GSN: variants seen among roughly 807,000 people sequenced by gnomAD.
GSN encodes actin-depolymerizing factor.
A neutral mutation model predicts 85.7 loss-of-function variants in GSN; 56 were observed. That is an observed-to-expected ratio of 0.65 (90% confidence interval 0.53 to 0.82). The LOEUF is 0.82. Among genes scored for constraint, GSN ranks in the 40% least tolerant of loss-of-function variants. The pLI is 0.00. For synonymous variants in GSN, 373 were observed against 399.1 expected (o/e 0.93, Z 0.78); for missense variants, 857 against 979.8 (o/e 0.87, Z 1.67).
chr9:121,310,876 C>T (rs751492041), intron 5 of GSN, 31 bp downstream of exon 5: 18 of 1,605,476 alleles, frequency 1.1e-5, no homozygotes, highest in Non-Finnish European at 1.5e-5. Context: ...TCCCAGGAGC[C>T]ACTGAGGTGC....
At chr9:121,220,548 G>A (rs575830463) in intron 4 of GSN, among the ~76,000 whole-genome samples, 17 of 147,984 alleles carry the variant, frequency 1.1e-4, no homozygotes, top group African/African-American at 4.1e-4. Flanking sequence ...ATGGGTGGGA[G>A]AGCAAGGTCC....
intron 1 of GSN, among the ~76,000 whole-genome samples, chr9:121,269,960 T>C (rs1368081899): frequency 6.6e-6 from 1 of 152,230 alleles, no homozygotes; most frequent in East Asian, 1.9e-4. Context: ...GACAGAGCTC[T>C]CTGTCCTCAA....
In GSN at chr9:121,239,432, C is replaced by A. The variant is rs570270778; in HGVS notation, c.-389+8129C>A. On this transcript the variant is annotated intron_variant, in intron 5 of 24. Transcript: ENST00000373823. ...AACCAGGCAGTTTCCATGTTTACAT[C>A]CTTAGCAGCAAATACAATTGGAAAA... 7 of 398,434 alleles carry A rather than the reference C, an allele frequency of 1.8e-5. No homozygotes were observed. The East Asian group carries it at 3.2e-4, about 18-fold the overall frequency. The allele number at this position is 398,434 out of a possible 1,614,324, so 24.7% of individuals were successfully genotyped here.
chr9:121,221,199 GTCCGAAACTTC>G (rs1310217239), intron 4 of GSN, among the ~76,000 whole-genome samples: 1 of 152,154 alleles, frequency 6.6e-6, no homozygotes, highest in Non-Finnish European at 1.5e-5. Flanking sequence ...CCACTTTATT[GTCCGAAACTTC>G]TCCATTTCAA....
Position 121,317,171 on chromosome 9 carries a change from G to A in GSN, c.839G>A (p.Cys280Tyr). ...CAGGGGGCCCTGAAGTCAGAGGACT[G>A]CTTCATCCTGGACCACGGCAAAGAT... is the stretch of plus-strand genomic sequence containing the variant. ...FAQGALKSED[C>Y]FILDHGKDGK... is the part of the protein sequence containing the mutation. The change falls in exon 8 of 18, where the codon TGC (cysteine) becomes TAC (tyrosine). Residue 280 changes from cysteine (C) to tyrosine (Y), a missense_variant. Coordinates refer to ENST00000432226, the MANE Select transcript of GSN (RefSeq NM_198252.3). The A allele has an allele frequency of 6.2e-7, 1 of 1,614,192 alleles. No individual in the cohort carries two copies. Among genetic ancestry groups the A allele is most frequent in the Non-Finnish European group, 8.5e-7 (1 of 1,180,014 alleles).
intron 5 of GSN, among the ~76,000 whole-genome samples, chr9:121,237,921 A>G (rs1323375755): frequency 6.6e-6 from 1 of 152,230 alleles, no homozygotes; most frequent in Non-Finnish European, 1.5e-5. Context: ...GGTTTTCTGA[A>G]TAGGGAATAG....
chr9:121,269,803 GC>G (rs2055658607), intron 1 of GSN, among the ~76,000 whole-genome samples: 1 of 152,184 alleles, frequency 6.6e-6, no homozygotes, highest in Non-Finnish European at 1.5e-5. Flanking sequence ...ACTAACATGA[GC>G]CTGGAAACAG....
At chr9:121,245,379 C>G (rs1032063445) in intron 5 of GSN, among the ~76,000 whole-genome samples, 2 of 152,094 alleles carry the variant, frequency 1.3e-5, no homozygotes, top group Non-Finnish European at 2.9e-5. Flanking sequence ...CATTTTGAGT[C>G]AGGGTCTCAC....
At position 121,303,082 on chromosome 9, in the gene GSN, CT is replaced by C; in HGVS notation, c.351+19del. 1 of 1,612,086 alleles carries C rather than the reference CT, an allele frequency of 6.2e-7. No homozygotes were observed. The highest frequency in any genetic ancestry group is 8.5e-7 in the Non-Finnish European group (1 of 1,179,640). ...AAGTACAAGGTGGGTTGGGCCCCACCTTGCTTGAGCGGTAGGGACAGATGCA... is the reference window on the plus strand; with the variant it reads ...AAGTACAAGGTGGGTTGGGCCCCACCTGCTTGAGCGGTAGGGACAGATGCA... On this transcript the variant is annotated intron_variant, in intron 4 of 17. Coordinates refer to ENST00000432226, the MANE Select transcript of GSN (RefSeq NM_198252.3).
chr9:121,287,904 C>T (rs1049266366), intron 2 of GSN, among the ~76,000 whole-genome samples: 4 of 151,996 alleles, frequency 2.6e-5, no homozygotes, highest in Admixed American at 6.5e-5. Flanking sequence ...CTATGCACAC[C>T]CCATAGCTGA....
At position 121,326,900 on chromosome 9, in the gene GSN, G is replaced by A. The variant is rs191477519; in HGVS notation, c.1587+218G>A. Reference sequence around the variant, plus strand: ...TGTCCCTTGCACACTTTGCACAGTGGACAGCTCACTACCTACCATTCTGTA... The same window carrying A: ...TGTCCCTTGCACACTTTGCACAGTGAACAGCTCACTACCTACCATTCTGTA... On this transcript the variant is annotated intron_variant, in intron 13 of 17. Coordinates refer to ENST00000432226, the MANE Select transcript of GSN (RefSeq NM_198252.3). The A allele has an allele frequency of 8.6e-4, 619 of 715,762 alleles. 7 individuals are homozygous for A. The Middle Eastern group carries it at 0.021, about 24-fold the overall frequency. The allele number at this position is 715,762 out of a possible 1,614,324, so 44.3% of individuals were successfully genotyped here.
At chr9:121,300,275 T>C in intron 2 of GSN, 1 of 624,598 alleles carries the variant, frequency 1.6e-6, no homozygotes. Context: ...TCCTGTCTCC[T>C]GAATTCTCCT....
intron 14 of GSN, 42 bp from the exon 15 acceptor site, chr9:121,328,849 G>A (rs773674289): frequency 1.2e-6 from 2 of 1,604,424 alleles, no homozygotes; most frequent in South Asian, 1.1e-5. Context: ...GGAGAGAGGG[G>A]TGATGGCGTC....
intron 2 of GSN, among the ~76,000 whole-genome samples, chr9:121,296,493 G>C (rs564881671): frequency 2.9e-4 from 44 of 152,262 alleles, no homozygotes; most frequent in Admixed American, 1.8e-3. Flanking sequence ...TCCTGGATTT[G>C]GTTGTACAAC....
rs2063703927 is a variant in GSN at position 121,329,979 on chromosome 9, G to A, written c.1965+664G>A. Among the ~76,000 whole-genome samples the A allele has an allele frequency of 1.3e-5, 2 of 152,190 alleles. No homozygotes were observed. The highest frequency in any genetic ancestry group is 6.5e-5 in the Admixed American group (1 of 15,278). On this transcript the variant is annotated intron_variant, in intron 16 of 17. Transcript: ENST00000432226. The surrounding 1 kb of genome is among the most constrained non-coding windows in gnomAD (Gnocchi z 4.6). The stretch of plus-strand genomic sequence containing the variant: ...GGTGGCTTCTCCCAGAGTCCTCAGA[G>A]TTACGGAGCAGCTGGCCACGAAGGC...
In GSN at chr9:121,293,657, C is replaced by T. The variant is rs567258927; in HGVS notation, c.-9-8306C>T. On this transcript the variant is annotated intron_variant, in intron 2 of 17. Coordinates refer to ENST00000432226, the MANE Select transcript of GSN (RefSeq NM_198252.3). ...AGGTGGCAGTGAGCCGAGATCACGC[C>T]GCTGCACTCCAGCCTGGGTGACAGA... is the stretch of plus-strand genomic sequence containing the variant. Among the ~76,000 whole-genome samples, 168 of 149,444 alleles carry T rather than the reference C, an allele frequency of 1.1e-3. 1 individual carries two copies. The highest frequency in any genetic ancestry group is 1.7e-3 in the Non-Finnish European group (118 of 67,634).
chr9:121,284,496 C>T (rs2057814626), intron 2 of GSN: 1 of 167,174 alleles, frequency 6.0e-6, no homozygotes, highest in African/African-American at 2.4e-5. Context: ...GAAGTTAACG[C>T]CCAGAGTGCT....
At chr9:121,268,270 A>C (rs1359830478) in intron 1 of GSN, 51 bp downstream of exon 1, 2 of 151,652 alleles carry the variant, frequency 1.3e-5, no homozygotes, top group Non-Finnish European at 2.9e-5. Flanking sequence ...TCCCGGGCTG[A>C]TTTGAGTCCT....
chr9:121,277,044 C>A (rs997957270), intron 1 of GSN, among the ~76,000 whole-genome samples: 1 of 152,088 alleles, frequency 6.6e-6, no homozygotes, highest in African/African-American at 2.4e-5. Flanking sequence ...TATTCCCTGC[C>A]CCCACCCCTC....
Sources: allele counts gnomAD v4.1 joint callset (sites outside exome capture counted in the v4.1 genomes callset), GRCh38; gene constraint gnomAD v4.1.1; non-coding constraint Gnocchi (gnomAD v3.1); transcripts MANE v1.5; gene names NCBI Gene and HGNC (gene_info 2026-07-23, HGNC 2026-07-21).